PTPN13: variants seen among roughly 807,000 people sequenced by gnomAD.
PTPN13 encodes tyrosine-protein phosphatase non-receptor type 13.
Under a neutral mutation model 284.0 loss-of-function variants are expected in PTPN13, and 191 were observed. That is an observed-to-expected ratio of 0.67 (90% CI 0.60 to 0.76). The LOEUF (loss-of-function observed/expected upper bound fraction) is 0.76, where lower values mean the gene tolerates loss of function less well. Among genes scored for constraint, PTPN13 ranks in the 30% least tolerant of loss-of-function variants. The probability of loss-of-function intolerance (pLI) is 0.00; values close to 1 mark genes in which losing one functional copy is unlikely to be tolerated. For missense variants in PTPN13, 2,797 were observed against 2,939.9 expected (o/e 0.95, Z 1.12); for synonymous variants, 986 against 1,022.3 (o/e 0.96, Z 0.68).
At chr4:86,701,847 A>G (rs1257999294) in intron 7 of PTPN13, 46 bp downstream of exon 7, 7 of 1,501,656 alleles carry the variant, frequency 4.7e-6, no homozygotes, top group Admixed American at 2.2e-5. Context: ...AGTATTTTAA[A>G]TATTTTTTTG....
Position 86,715,498 on chromosome 4 carries a change from G to A in PTPN13, c.1196-1032G>A, listed in dbSNP as rs78694079. ...TCCCAGCTACTTGGGAGGCTGAGAC[G>A]AGAAGATAGCTTGAACCCAGGAGTC... On this transcript the variant is annotated intron_variant, in intron 7 of 47. Coordinates refer to ENST00000411767, the MANE Select transcript of PTPN13 (RefSeq NM_080683.3). Among the ~76,000 whole-genome samples, 613 of 152,222 alleles carry A rather than the reference G, an allele frequency of 4.0e-3. 10 individuals carry two copies. The highest frequency in any genetic ancestry group is 0.014 in the African/African-American group (575 of 41,558).
At chr4:86,624,624 T>C (rs560302930) in intron 1 of PTPN13, among the ~76,000 whole-genome samples, 1 of 152,308 alleles carries the variant, frequency 6.6e-6, no homozygotes, top group South Asian at 2.1e-4. Context: ...TAGAATTGAT[T>C]AACATCATAG....
chr4:86,653,495 CT>C (rs561218570), intron 2 of PTPN13, among the ~76,000 whole-genome samples: 3,051 of 140,832 alleles, frequency 0.022, 77 homozygotes, highest in Admixed American at 0.087. Flanking sequence ...CGCCTCAACT[CT>C]TTTTTTTTTT....
intron 2 of PTPN13, among the ~76,000 whole-genome samples, chr4:86,667,915 G>T (rs780224500): frequency 6.6e-6 from 1 of 152,080 alleles, no homozygotes; most frequent in Non-Finnish European, 1.5e-5. Flanking sequence ...TTAATAGTAT[G>T]TGTGGAAGAT....
chr4:86,677,818 G>C (rs995746975), intron 3 of PTPN13, among the ~76,000 whole-genome samples: 2 of 152,108 alleles, frequency 1.3e-5, no homozygotes, highest in Non-Finnish European at 2.9e-5. Flanking sequence ...GCTCTAGTCA[G>C]ATAACACATT....
Position 86,745,023 on chromosome 4 carries a change from GACA to G in PTPN13, c.2549_2551del (p.Asn850del). 1 of 1,605,352 alleles carries G rather than the reference GACA, an allele frequency of 6.2e-7. No individual in the cohort carries two copies. Among genetic ancestry groups the G allele is most frequent in the Non-Finnish European group, 8.5e-7 (1 of 1,175,538 alleles). On this transcript the variant is annotated inframe_deletion, in exon 17 of 48. Coordinates refer to ENST00000411767, the MANE Select transcript of PTPN13 (RefSeq NM_080683.3). The stretch of plus-strand genomic sequence containing the variant: ...TGGAATAAAACATGGCTTCCAGACA[GACA>G]ACAGTAAGATATGCCAGTACCTGCT...
intron 1 of PTPN13, among the ~76,000 whole-genome samples, chr4:86,615,811 G>A (rs1254950627): frequency 3.9e-5 from 6 of 152,052 alleles, no homozygotes; most frequent in Non-Finnish European, 8.8e-5. Flanking sequence ...TCTTCCAGAT[G>A]GCAAATGTTT....
chr4:86,760,842 G>A (rs903892275), intron 23 of PTPN13, among the ~76,000 whole-genome samples: 3 of 151,946 alleles, frequency 2.0e-5, no homozygotes, highest in Non-Finnish European at 4.4e-5. Flanking sequence ...TAACTATTCT[G>A]TAGTGTCACT....
chr4:86,639,819 T>TA (rs754760533), intron 2 of PTPN13, among the ~76,000 whole-genome samples: 1 of 150,732 alleles, frequency 6.6e-6, no homozygotes, highest in Non-Finnish European at 1.5e-5. Context: ...CCCTAAAACT[T>TA]AAAGTATAAA....
At chr4:86,799,267 A>C in intron 42 of PTPN13, 63 bp downstream of exon 42, 1 of 1,012,140 alleles carries the variant, frequency 9.9e-7, no homozygotes, top group Non-Finnish European at 1.4e-6. Context: ...TTTTTAAGTG[A>C]TTTTCAGACT....
chr4:86,629,537 A>G (rs1202456879), intron 1 of PTPN13, among the ~76,000 whole-genome samples: 1 of 152,138 alleles, frequency 6.6e-6, no homozygotes, highest in South Asian at 2.1e-4. Flanking sequence ...TTTCTTTTCA[A>G]ATAGCAAAGA....
intron 1 of PTPN13, among the ~76,000 whole-genome samples, chr4:86,599,708 G>C (rs1421892544): frequency 6.6e-6 from 1 of 151,942 alleles, no homozygotes; most frequent in Non-Finnish European, 1.5e-5. Context: ...AAAATATATT[G>C]TGTTATTTTT....
intron 19 of PTPN13, 103 bp from the exon 20 acceptor site, chr4:86,752,906 C>A: frequency 1.4e-6 from 1 of 724,474 alleles, no homozygotes; most frequent in Non-Finnish European, 2.2e-6. Flanking sequence ...AATGTTGCTG[C>A]CTTATTGTTC....
chr4:86,608,657 A>G (rs1386441379), intron 1 of PTPN13, among the ~76,000 whole-genome samples: 1 of 152,110 alleles, frequency 6.6e-6, no homozygotes, highest in Non-Finnish European at 1.5e-5. Context: ...CCAAATATAG[A>G]TGGTAAGTGG....
At chr4:86,805,050 G>T (rs1203796287) in intron 43 of PTPN13, among the ~76,000 whole-genome samples, 2 of 152,042 alleles carry the variant, frequency 1.3e-5, no homozygotes, top group Non-Finnish European at 2.9e-5. Flanking sequence ...ACAAAGTTCT[G>T]TCTCATAAAG....
At chr4:86,724,827 T>A (rs1294909938) in intron 10 of PTPN13, among the ~76,000 whole-genome samples, 6 of 152,042 alleles carry the variant, frequency 3.9e-5, no homozygotes, top group Admixed American at 2.0e-4. Context: ...CTTTTTTTTT[T>A]ATTATTATAC....
chr4:86,673,281 CAATT>C (rs538796793), intron 3 of PTPN13, among the ~76,000 whole-genome samples: 109 of 152,126 alleles, frequency 7.2e-4, no homozygotes, highest in African/African-American at 2.4e-3. Flanking sequence ...ACAAGATGAG[CAATT>C]AATTTTTAGT....
chr4:86,704,830 A>G (rs1751369946), intron 7 of PTPN13, among the ~76,000 whole-genome samples: 1 of 152,174 alleles, frequency 6.6e-6, no homozygotes, highest in South Asian at 2.1e-4. Context: ...ACACCTAAAA[A>G]TGTTGGATTA....
chr4:86,787,735 G>A (rs528167610), intron 40 of PTPN13, among the ~76,000 whole-genome samples: 5 of 151,866 alleles, frequency 3.3e-5, no homozygotes, highest in South Asian at 4.1e-4. Context: ...TTTAATATAC[G>A]TTTTATCACA....
Sources: gnomAD v4.1 joint callset for allele counts (sites outside exome capture counted in the v4.1 genomes callset) on GRCh38, gnomAD v4.1.1 for gene constraint, MANE v1.5 for transcripts, NCBI Gene and HGNC (gene_info 2026-07-23, HGNC 2026-07-21) for gene names.